ATP8B1: variants seen among roughly 807,000 people sequenced by gnomAD.
The protein encoded by ATP8B1 is phospholipid-transporting ATPase IC.
In ATP8B1, 80 loss-of-function variants were observed where a neutral mutation model predicts 149.9. The ratio of observed to expected loss-of-function variants is 0.53; its 90% CI spans 0.45 to 0.64. ATP8B1 has a LOEUF of 0.64. Among genes scored for constraint, ATP8B1 ranks in the 30% least tolerant of loss-of-function variants. The pLI, the probability that ATP8B1 is intolerant of heterozygous loss-of-function variation, is 0.00. For synonymous variants in ATP8B1, 536 were observed against 562.8 expected, an observed-to-expected ratio of 0.95 and a Z score of 0.67; for missense variants, 1,247 against 1,552.6, an observed-to-expected ratio of 0.80 and a Z score of 3.31.
At chr18:57,797,432 G>A (rs1328223847) in intron 1 of ATP8B1, among the ~76,000 whole-genome samples, 1 of 152,190 alleles carries the variant, frequency 6.6e-6, no homozygotes, top group Non-Finnish European at 1.5e-5. Flanking sequence ...CCACTGAAAG[G>A]CTGCCCAGGA....
rs2080582392 is a variant in ATP8B1 at position 57,802,098 on chromosome 18, G to GCA, written c.-26+898_-26+899dup. The GCA allele has an allele frequency of 6.8e-6, 1 of 147,062 alleles. No homozygotes were observed. The highest frequency in any genetic ancestry group is 1.5e-5 in the Non-Finnish European group (1 of 67,454). 9.1% of individuals were successfully genotyped at this position (147,062 alleles called of 1,614,324 possible). A position where few individuals can be genotyped will look rare whatever the true frequency, so the allele number is the denominator to read the frequency against. Reference sequence around the variant, plus strand: ...CACCAACCCCCGGCAGGGACCACAGGCACACGCCTCCGTCGGAAAAGTTGG... The same window carrying GCA: ...CACCAACCCCCGGCAGGGACCACAGGCACACACGCCTCCGTCGGAAAAGTTGG... On this transcript the variant is annotated intron_variant, in intron 1 of 27. Transcript: ENST00000648908. This position sits in a 1 kb window ranked among gnomAD's most constrained non-coding sequence, Gnocchi z 4.9.
At chr18:57,671,673 A>G in intron 16 of ATP8B1, 93 bp from the exon 17 acceptor site, 1 of 866,208 alleles carries the variant, frequency 1.2e-6, no homozygotes, top group Non-Finnish European at 1.9e-6. Context: ...TCCAGGCTGG[A>G]GTGCAGCAGT....
intron 4 of ATP8B1, among the ~76,000 whole-genome samples, chr18:57,703,270 G>A (rs1262663947): frequency 6.6e-6 from 1 of 151,906 alleles, no homozygotes; most frequent in Non-Finnish European, 1.5e-5. Flanking sequence ...AATGCTTGCC[G>A]TAAAGAATCT....
At chr18:57,758,458 T>A (rs2080107436) in intron 1 of ATP8B1, among the ~76,000 whole-genome samples, 1 of 149,356 alleles carries the variant, frequency 6.7e-6, no homozygotes, top group African/African-American at 2.5e-5. Context: ...CTGACCAACA[T>A]GGAGAAACCC....
chr18:57,648,723 G>GA lies in ATP8B1; in HGVS notation c.3532-12dup. 6.5e-7 allele frequency: 1 copy of GA among 1,549,354 alleles called. No homozygotes were observed. The highest frequency in any genetic ancestry group is 8.7e-7 in the Non-Finnish European group (1 of 1,146,750). On this transcript the variant is annotated splice_polypyrimidine_tract_variant and intron_variant, in intron 27 of 27. Coordinates refer to ENST00000648908, the MANE Select transcript of ATP8B1 (RefSeq NM_001374385.1). ...GCGATGCTTCTGGATCTGCAAGGGG[G>GA]AGAGATGGGGAGGGATGAAAATAAG...
At chr18:57,775,222 C>T (rs1452319067) in intron 1 of ATP8B1, among the ~76,000 whole-genome samples, 1 of 151,976 alleles carries the variant, frequency 6.6e-6, no homozygotes, top group Non-Finnish European at 1.5e-5. Context: ...AAAGCTGAGT[C>T]GGGAGGATTG....
intron 22 of ATP8B1, 50 bp from the exon 23 acceptor site, chr18:57,655,467 C>T (rs1473614707): frequency 4.0e-6 from 6 of 1,518,464 alleles, no homozygotes; most frequent in Admixed American, 3.3e-5. Flanking sequence ...GATTGTGAGG[C>T]AAAACATCAG....
In ATP8B1 at chr18:57,706,733, T is replaced by C. The variant is rs1385638616; in HGVS notation, c.182-146A>G. On this transcript the variant is annotated intron_variant, in intron 2 of 27. Transcript: ENST00000648908. ...TTATTTGGAAACTGCTCATTGCAGATGTAATCAAATTAAAGTGAAGTCATT... is the reference window on the plus strand; with the variant it reads ...TTATTTGGAAACTGCTCATTGCAGACGTAATCAAATTAAAGTGAAGTCATT... 4 of 703,020 alleles carry C rather than the reference T, an allele frequency of 5.7e-6. No individual in the cohort carries two copies. In the Admixed American group the frequency reaches 6.7e-5, roughly 12 times the overall value. The allele number at this position is 703,020 out of a possible 1,614,324, so 43.5% of individuals were successfully genotyped here.
intron 6 of ATP8B1, among the ~76,000 whole-genome samples, chr18:57,698,463 G>A (rs1912942624): frequency 6.6e-6 from 1 of 152,054 alleles, no homozygotes; most frequent in Non-Finnish European, 1.5e-5. Context: ...TCCTGCCTCA[G>A]CCTCCCGAGT....
At chr18:57,695,408 CA>C in intron 9 of ATP8B1, 41 bp downstream of exon 9, 1 of 1,594,046 alleles carries the variant, frequency 6.3e-7, no homozygotes. Flanking sequence ...TTGAACCAAG[CA>C]ACTAAAATTT....
intron 8 of ATP8B1, among the ~76,000 whole-genome samples, chr18:57,696,756 G>T (rs1912836830): frequency 1.3e-5 from 2 of 152,152 alleles, no homozygotes; most frequent in Admixed American, 6.5e-5. Context: ...ACCTCCCTGG[G>T]CCTCCGATTC....
At chr18:57,770,249 T>C (rs1428687825) in intron 1 of ATP8B1, among the ~76,000 whole-genome samples, 1 of 152,140 alleles carries the variant, frequency 6.6e-6, no homozygotes, top group Non-Finnish European at 1.5e-5. Flanking sequence ...GAACTGCTTT[T>C]TCTTGCACTC....
rs2079769504 is a variant in ATP8B1 at position 57,731,889 on chromosome 18, A to C, written c.-25-57T>G. On this transcript the variant is annotated intron_variant, in intron 1 of 27. Transcript: ENST00000648908. ...TGACTCTTGCCCAGTTTTTGGTTGAATACTGCCTGCATGCTGCTACAATGC... is the reference window on the plus strand; with the variant it reads ...TGACTCTTGCCCAGTTTTTGGTTGACTACTGCCTGCATGCTGCTACAATGC... 4.7e-6 allele frequency: 7 copies of C among 1,480,860 alleles called. No individual in the cohort carries two copies. In the South Asian group the frequency reaches 7.9e-5, roughly 17 times the overall value. The allele number at this position is 1,480,860 out of a possible 1,614,324, so 91.7% of individuals were successfully genotyped here. A position where few individuals can be genotyped will look rare whatever the true frequency, so the allele number is the denominator to read the frequency against.
intron 1 of ATP8B1, among the ~76,000 whole-genome samples, chr18:57,790,475 C>T (rs1302917242): frequency 1.3e-5 from 2 of 152,190 alleles, no homozygotes; most frequent in Admixed American, 1.3e-4. Flanking sequence ...GTAGCCCCAG[C>T]ATCATGTCAC....
chr18:57,705,424 AT>A (rs1230068859), intron 3 of ATP8B1, among the ~76,000 whole-genome samples: 1 of 152,234 alleles, frequency 6.6e-6, no homozygotes, highest in Non-Finnish European at 1.5e-5. Context: ...ATATCTATGA[AT>A]GGGATCTTAT....
chr18:57,742,178 G>A (rs2079921113), intron 1 of ATP8B1, among the ~76,000 whole-genome samples: 1 of 152,082 alleles, frequency 6.6e-6, no homozygotes, highest in South Asian at 2.1e-4. Flanking sequence ...CCAATGCTCA[G>A]TATTCTTGAA....
chr18:57,741,618 T>C (rs1344828630), intron 1 of ATP8B1, among the ~76,000 whole-genome samples: 1 of 152,222 alleles, frequency 6.6e-6, no homozygotes, highest in Non-Finnish European at 1.5e-5. Context: ...ACTTGATTCA[T>C]GGAAACTGTG....
At chr18:57,719,439 C>T (rs1347704895) in intron 2 of ATP8B1, among the ~76,000 whole-genome samples, 2 of 152,182 alleles carry the variant, frequency 1.3e-5, no homozygotes, top group Non-Finnish European at 2.9e-5. Flanking sequence ...GAGGCATTGC[C>T]TCACCTGGGA....
chr18:57,731,744 C>A lies in ATP8B1; in HGVS notation c.64G>T (p.Val22Phe), dbSNP rs1421000531. The A allele has an allele frequency of 6.2e-7, 1 of 1,614,126 alleles. No homozygotes were observed. Among genetic ancestry groups the A allele is most frequent in the Non-Finnish European group, 8.5e-7 (1 of 1,180,030 alleles). ...DEDSQPNDEVVPYSDDETEDE... is the reference protein window; with the variant it reads ...DEDSQPNDEVFPYSDDETEDE... ...TCTGTTTCATCATCACTGTAGGGAA[C>A]CACTTCGTCATTAGGCTGAGAATCC... The change falls in exon 2 of 28, where the codon GTT becomes TTT. Residue 22 changes from valine to phenylalanine, a missense_variant. Val to Phe is a conservative substitution (Grantham distance 50). Transcript: ENST00000648908.
Sources: allele counts gnomAD v4.1 joint callset (sites outside exome capture counted in the v4.1 genomes callset), GRCh38; gene constraint gnomAD v4.1.1; non-coding constraint Gnocchi (gnomAD v3.1); transcripts MANE v1.5; gene names NCBI Gene and HGNC (gene_info 2026-07-23, HGNC 2026-07-21).